Variants in PRR16 observed in about 807,000 individuals in gnomAD.
PRR16 encodes the protein protein Largen.
In PRR16, 6 loss-of-function variants were observed where a neutral mutation model predicts 18.2. The ratio of observed to expected loss-of-function variants is 0.33; its 90% CI spans 0.18 to 0.65. The LOEUF (loss-of-function observed/expected upper bound fraction) is 0.65, where lower values mean the gene tolerates loss of function less well. Ranked by LOEUF, PRR16 falls within the 30% of genes least tolerant of loss-of-function variation. PRR16 has a pLI of 0.74. For missense variants in PRR16, 412 were observed against 376.6 expected (o/e 1.09, Z -0.78); for synonymous variants, 151 against 147.8 (o/e 1.02, Z -0.16).
chr5:120,479,735 A>G, intron 1 of PRR16, among the ~76,000 whole-genome samples: 1 of 152,002 alleles, frequency 6.6e-6, no homozygotes, highest in East Asian at 1.9e-4. Flanking sequence ...TTTTTTTAAA[A>G]TCAGGGACTA....
At chr5:120,707,402 C>T in the PRR16 span, among the ~76,000 whole-genome samples, 1 of 152,186 alleles carries the variant, frequency 6.6e-6, no homozygotes, top group Non-Finnish European at 1.5e-5. Flanking sequence ...GAGGGATTGT[C>T]AGAGAATGGG....
intron 1 of PRR16, among the ~76,000 whole-genome samples, chr5:120,482,302 C>T (rs1306740750): frequency 6.6e-6 from 1 of 152,000 alleles, no homozygotes; most frequent in African/African-American, 2.4e-5. Flanking sequence ...CCCATTAGTC[C>T]CCAGTGTTTA....
the PRR16 span, among the ~76,000 whole-genome samples, chr5:120,740,202 G>A: frequency 1.6e-4 from 25 of 152,058 alleles, no homozygotes; most frequent in Non-Finnish European, 3.1e-4. Context: ...TGGTGCCCTG[G>A]TTCATTTCTC....
In PRR16 at chr5:120,469,341, A is replaced by G. The variant is rs1749196307; in HGVS notation, c.159+4696A>G. ...CTCGGAACTATTTTCTTTTTGTTTG[A>G]GACAGTATCTTGCCCTGTCACTTAG... On this transcript the variant is annotated intron_variant, in intron 1 of 1. Transcript: ENST00000407149. 3.9e-5 allele frequency among the ~76,000 whole-genome samples: 6 copies of G among 152,308 alleles called. No homozygotes were observed. The South Asian group carries it at 1.2e-3, about 32-fold the overall frequency.
chr5:120,688,808 T>C (rs558699960), downstream of PRR16, among the ~76,000 whole-genome samples: 1 of 152,326 alleles, frequency 6.6e-6, no homozygotes, highest in South Asian at 2.1e-4. Flanking sequence ...ACAGAACAGA[T>C]AATTTCCTTG....
At chr5:120,560,194 G>A (rs1752533617) in intron 1 of PRR16, among the ~76,000 whole-genome samples, 1 of 151,820 alleles carries the variant, frequency 6.6e-6, no homozygotes, top group Non-Finnish European at 1.5e-5. Flanking sequence ...TGGTGAATGT[G>A]TGCATCTTTG....
intron 1 of PRR16, among the ~76,000 whole-genome samples, chr5:120,483,116 GGC>G (rs1749676382): frequency 6.6e-6 from 1 of 152,104 alleles, no homozygotes; most frequent in Non-Finnish European, 1.5e-5. Flanking sequence ...AGTGCAAGTT[GGC>G]GAGGAGCTCT....
At chr5:120,497,694 G>A (rs1456770812) in intron 1 of PRR16, among the ~76,000 whole-genome samples, 1 of 151,646 alleles carries the variant, frequency 6.6e-6, no homozygotes, top group Admixed American at 6.6e-5. Context: ...CGGCTGAATT[G>A]ATTCTTTTAT....
chr5:120,619,157 G>A (rs1048870725), intron 1 of PRR16, among the ~76,000 whole-genome samples: 5 of 152,194 alleles, frequency 3.3e-5, no homozygotes, highest in East Asian at 1.9e-4. Context: ...TACATATTAC[G>A]TGATGCCCCA....
At chr5:120,550,878 G>A (rs191781381) in intron 1 of PRR16, among the ~76,000 whole-genome samples, 3 of 151,880 alleles carry the variant, frequency 2.0e-5, no homozygotes, top group East Asian at 1.9e-4. Context: ...TCTCAATACC[G>A]TTTCTCCTTT....
At chr5:120,510,034 G>A (rs1482212410) in intron 1 of PRR16, among the ~76,000 whole-genome samples, 1 of 152,078 alleles carries the variant, frequency 6.6e-6, no homozygotes, top group Non-Finnish European at 1.5e-5. Flanking sequence ...AGCAAAAGAG[G>A]CTTTCAAAAA....
the PRR16 span, among the ~76,000 whole-genome samples, chr5:120,755,821 G>T: frequency 6.6e-6 from 1 of 151,954 alleles, no homozygotes; most frequent in Admixed American, 6.6e-5. Context: ...AAGAATCGGA[G>T]AAAATGCACA....
the PRR16 span, among the ~76,000 whole-genome samples, chr5:120,730,990 T>A: frequency 1.3e-5 from 2 of 152,140 alleles, no homozygotes; most frequent in African/African-American, 4.8e-5. Context: ...CTATGAATAT[T>A]GAGGAGTATG....
chr5:120,681,929 G>T (rs1463780752), intron 1 of PRR16, among the ~76,000 whole-genome samples: 1 of 152,094 alleles, frequency 6.6e-6, no homozygotes, highest in Non-Finnish European at 1.5e-5. Flanking sequence ...GTGAGAGTTT[G>T]TTTATATTTT....
intron 1 of PRR16, among the ~76,000 whole-genome samples, chr5:120,484,359 A>AAT (rs1749719258): frequency 1.4e-5 from 2 of 145,202 alleles, no homozygotes; most frequent in South Asian, 4.2e-4. Flanking sequence ...TACATATAAA[A>AAT]TATATAATAC....
the PRR16 span, among the ~76,000 whole-genome samples, chr5:120,752,066 TATTA>T: frequency 1.2e-4 from 19 of 152,216 alleles, no homozygotes; most frequent in South Asian, 2.5e-3. Context: ...AATAAATTAA[TATTA>T]ATTATATTAC....
At chr5:120,590,795 A>T (rs1209192385) in intron 1 of PRR16, among the ~76,000 whole-genome samples, 1 of 152,130 alleles carries the variant, frequency 6.6e-6, no homozygotes, top group Non-Finnish European at 1.5e-5. Flanking sequence ...CTATCTCATG[A>T]TATGCATTCA....
the PRR16 span, among the ~76,000 whole-genome samples, chr5:120,754,007 TTATATAA>T: frequency 8.0e-6 from 1 of 124,462 alleles, no homozygotes; most frequent in Non-Finnish European, 1.6e-5. Flanking sequence ...AATATATATA[TTATATAA>T]TATATAAAAG....
chr5:120,485,047 C>G (rs1245656486), intron 1 of PRR16, among the ~76,000 whole-genome samples: 1 of 151,756 alleles, frequency 6.6e-6, no homozygotes, highest in African/African-American at 2.4e-5. Flanking sequence ...GTAATCTTTA[C>G]TCTGATTTAA....
Sources: allele counts gnomAD v4.1 joint callset (sites outside exome capture counted in the v4.1 genomes callset), GRCh38; gene constraint gnomAD v4.1.1; transcripts MANE v1.5; gene names NCBI Gene and HGNC (gene_info 2026-07-23, HGNC 2026-07-21).